GTF2A1: variants seen among roughly 807,000 people sequenced by gnomAD.
GTF2A1 encodes the protein general transcription factor IIA subunit 1.
Under a neutral mutation model 54.1 loss-of-function variants are expected in GTF2A1, and 12 were observed. The ratio of observed to expected loss-of-function variants is 0.22; its 90% confidence interval spans 0.14 to 0.36. The LOEUF is 0.36. Among genes scored for constraint, GTF2A1 ranks in the 10% least tolerant of loss-of-function variants. The probability of loss-of-function intolerance (pLI) is 1.00; values close to 1 mark genes in which losing one functional copy is unlikely to be tolerated. For missense variants in GTF2A1, 335 were observed against 442.2 expected, an observed-to-expected ratio of 0.76 and a Z score of 2.17; for synonymous variants, 145 against 152.0, an observed-to-expected ratio of 0.95 and a Z score of 0.34.
At chr14:81,202,890 T>C in intron 3 of GTF2A1, 4 of 435,574 alleles carry the variant, frequency 9.2e-6, no homozygotes, top group Admixed American at 8.3e-5. Context: ...AAATTAGGTA[T>C]GAAAAGTACC....
intron 6 of GTF2A1, 151 bp downstream of exon 6, chr14:81,195,957 A>C: frequency 1.6e-6 from 1 of 633,260 alleles, no homozygotes; most frequent in Non-Finnish European, 2.8e-6. Context: ...GCTGAATCTA[A>C]GTTAAGCTGT....
At chr14:81,190,019 TGGCACA>T in intron 7 of GTF2A1, among the ~76,000 whole-genome samples, 5 of 151,566 alleles carry the variant, frequency 3.3e-5, no homozygotes, top group Non-Finnish European at 7.4e-5. Flanking sequence ...AAAAAAAAGA[TGGCACA>T]ATAATTATAT....
Position 81,213,846 on chromosome 14 carries a change from GT to G in GTF2A1, c.132+2566del, listed in dbSNP as rs767098811. On this transcript the variant is annotated intron_variant, in intron 2 of 8. Transcript: ENST00000553612. Reference sequence around the variant, plus strand: ...ACAGGAAATATTTTTGGGTTTTTCTGTTTTTTTTTTTTTTGAGACAGAGTCT... The same window carrying G: ...ACAGGAAATATTTTTGGGTTTTTCTGTTTTTTTTTTTTTGAGACAGAGTCT... Among the ~76,000 whole-genome samples, 597 of 136,350 alleles carry G rather than the reference GT, an allele frequency of 4.4e-3. 2 individuals are homozygous for G. Among genetic ancestry groups the G allele is most frequent in the African/African-American group, 0.012 (457 of 37,636 alleles). 89.5% of individuals were successfully genotyped at this position (136,350 alleles called of 152,430 possible). A position where few individuals can be genotyped will look rare whatever the true frequency, so the allele number is the denominator to read the frequency against.
intron 8 of GTF2A1, among the ~76,000 whole-genome samples, chr14:81,182,025 C>T (rs1892650080): frequency 1.3e-5 from 2 of 152,072 alleles, no homozygotes; most frequent in South Asian, 4.1e-4. Flanking sequence ...CTTGTAAAAT[C>T]TTTCAGAGTT....
chr14:81,206,104 C>A (rs768777961), intron 2 of GTF2A1, among the ~76,000 whole-genome samples: 3 of 152,184 alleles, frequency 2.0e-5, no homozygotes, highest in Non-Finnish European at 4.4e-5. Flanking sequence ...TTCACTTTTA[C>A]CACCTCCAAC....
intron 3 of GTF2A1, among the ~76,000 whole-genome samples, chr14:81,203,686 A>G (rs1893162982): frequency 6.6e-6 from 1 of 152,190 alleles, no homozygotes; most frequent in Admixed American, 6.5e-5. Flanking sequence ...TACAACCTAC[A>G]TTGTATACAA....
chr14:81,220,336 C>A lies in GTF2A1; in HGVS notation c.30+153G>T, dbSNP rs1460876466. On this transcript the variant is annotated intron_variant, in intron 1 of 8. Transcript: ENST00000553612. ...GCGCCCGCCGCCCGGCGCTCCGGCC[C>A]GATCCGCCCGAGGCGGGAAGCGGCG... Among the ~76,000 whole-genome samples, 3 of 145,452 alleles carry A rather than the reference C, an allele frequency of 2.1e-5. No individual in the cohort carries two copies. The South Asian group carries it at 6.3e-4, about 31-fold the overall frequency.
At chr14:81,192,450 TCA>T in intron 7 of GTF2A1, 67 bp downstream of exon 7, 1 of 1,120,670 alleles carries the variant, frequency 8.9e-7, no homozygotes, top group Middle Eastern at 2.1e-4. Flanking sequence ...ATATAATTTA[TCA>T]GTGTTGTACC....
intron 7 of GTF2A1, among the ~76,000 whole-genome samples, chr14:81,189,434 G>A (rs754213282): frequency 2.5e-4 from 38 of 152,160 alleles, no homozygotes; most frequent in South Asian, 1.0e-3. Context: ...CACTTTGGGA[G>A]GCCAAGGTGG....
chr14:81,187,338 G>C (rs914262920), intron 7 of GTF2A1, among the ~76,000 whole-genome samples: 17 of 147,074 alleles, frequency 1.2e-4, no homozygotes, highest in Admixed American at 1.3e-4. Context: ...CTGGGCAGCA[G>C]AGTGAAACTC....
intron 6 of GTF2A1, among the ~76,000 whole-genome samples, chr14:81,195,632 G>GC (rs1555389593): frequency 8.4e-6 from 1 of 118,558 alleles, no homozygotes; most frequent in Non-Finnish European, 1.7e-5. Flanking sequence ...ACTCTGTCTC[G>GC]AAAAAAAAAA....
chr14:81,219,394 G>A (rs1352296489), intron 1 of GTF2A1, among the ~76,000 whole-genome samples: 1 of 152,234 alleles, frequency 6.6e-6, no homozygotes, highest in Non-Finnish European at 1.5e-5. Flanking sequence ...GTGTTTAAAT[G>A]GAGAGGCGGT....
intron 2 of GTF2A1, among the ~76,000 whole-genome samples, chr14:81,215,178 A>T (rs6574632): frequency 0.13 from 19,509 of 152,240 alleles, 1,432 homozygotes; most frequent in African/African-American, 0.2. Flanking sequence ...GGAATATCAA[A>T]CAATCAAATT....
chr14:81,204,970 T>C lies in GTF2A1; in HGVS notation c.133-866A>G, dbSNP rs901074278. On this transcript the variant is annotated intron_variant, in intron 2 of 8. Transcript: ENST00000553612. Reference sequence around the variant, plus strand: ...CCCTGAAAATACAGATAAAACTTCATTTGGTCATTCTGTACACAAGGATCT... The same window carrying C: ...CCCTGAAAATACAGATAAAACTTCACTTGGTCATTCTGTACACAAGGATCT... Among the ~76,000 whole-genome samples the C allele has an allele frequency of 2.6e-5, 4 of 151,742 alleles. No individual in the cohort carries two copies. In the East Asian group the frequency reaches 5.8e-4, roughly 22 times the overall value.
chr14:81,199,632 C>G (rs1269087934), intron 4 of GTF2A1, among the ~76,000 whole-genome samples: 1 of 152,092 alleles, frequency 6.6e-6, no homozygotes, highest in African/African-American at 2.4e-5. Flanking sequence ...GAAACACTGA[C>G]TAAAAACAAC....
At chr14:81,196,312 T>A in intron 5 of GTF2A1, 71 bp from the exon 6 acceptor site, 1 of 1,477,258 alleles carries the variant, frequency 6.8e-7, no homozygotes. Flanking sequence ...GAATTCATAT[T>A]TAATTTCATA....
In GTF2A1 at chr14:81,220,783, T is replaced by C. The variant is rs1286251046; in HGVS notation, c.-265A>G. ...GACCCTTCAGGGGTCCGGGGGGCGTTGCCCGCTCCCCACCCCGCGCCAAGG... is the reference window on the plus strand; with the variant it reads ...GACCCTTCAGGGGTCCGGGGGGCGTCGCCCGCTCCCCACCCCGCGCCAAGG... On this transcript the variant is annotated 5_prime_UTR_variant, in exon 1 of 9. Transcript: ENST00000553612. 2.9e-6 allele frequency: 1 copy of C among 350,686 alleles called. No individual in the cohort carries two copies. The highest frequency in any genetic ancestry group is 4.9e-5 in the Admixed American group (1 of 20,578). The allele number at this position is 350,686 out of a possible 1,614,324, so 21.7% of individuals were successfully genotyped here.
intron 2 of GTF2A1, among the ~76,000 whole-genome samples, chr14:81,213,813 T>A (rs1398573203): frequency 6.6e-6 from 1 of 151,920 alleles, no homozygotes; most frequent in Non-Finnish European, 1.5e-5. Flanking sequence ...ATATTTTTCC[T>A]ACCTCACACA....
intron 7 of GTF2A1, among the ~76,000 whole-genome samples, chr14:81,191,947 A>G (rs941125071): frequency 2.0e-5 from 3 of 152,210 alleles, no homozygotes; most frequent in African/African-American, 7.2e-5. Flanking sequence ...TGGTGGGACA[A>G]ATAGTTTTTG....
Sources: gnomAD v4.1 joint callset for allele counts (sites outside exome capture counted in the v4.1 genomes callset) on GRCh38, gnomAD v4.1.1 for gene constraint, MANE v1.5 for transcripts, NCBI Gene and HGNC (gene_info 2026-07-23, HGNC 2026-07-21) for gene names.